Variants in CCDC171 observed in about 807,000 individuals in gnomAD.
CCDC171 encodes the protein coiled-coil domain containing 171.
Under a neutral mutation model 168.2 loss-of-function variants are expected in CCDC171, and 177 were observed. The ratio of observed to expected loss-of-function variants is 1.05; its 90% CI spans 0.93 to 1.19. The LOEUF is 1.19. Ranked by LOEUF, CCDC171 falls within the 50% of genes most tolerant of loss-of-function variation. The probability of loss-of-function intolerance (pLI) is 0.00; values close to 1 mark genes in which losing one functional copy is unlikely to be tolerated. For missense variants in CCDC171, 1,991 were observed against 1,539.0 expected (o/e 1.29, Z -4.91); for synonymous variants, 687 against 540.8 (o/e 1.27, Z -3.75).
chr9:15,645,203 A>G (rs1035886338), intron 7 of CCDC171, among the ~76,000 whole-genome samples: 3 of 152,242 alleles, frequency 2.0e-5, no homozygotes, highest in African/African-American at 7.2e-5. Context: ...AGAACTAACA[A>G]ACAGAAAGGA....
At chr9:15,965,700 T>C (rs1434895713) in intron 25 of CCDC171, among the ~76,000 whole-genome samples, 3 of 31,948 alleles carry the variant, frequency 9.4e-5, no homozygotes, top group East Asian at 1.7e-3. Flanking sequence ...AGGGAAGATA[T>C]GCTACACATT....
At chr9:15,636,633 C>T (rs1015158166) in intron 7 of CCDC171, among the ~76,000 whole-genome samples, 1 of 151,432 alleles carries the variant, frequency 6.6e-6, no homozygotes, top group Non-Finnish European at 1.5e-5. Context: ...CCTGTAGTCC[C>T]AGCTGCTTGG....
chr9:15,762,241 A>G (rs1311475838), intron 18 of CCDC171, among the ~76,000 whole-genome samples: 1 of 151,424 alleles, frequency 6.6e-6, no homozygotes, highest in Admixed American at 6.6e-5. Context: ...AGGTTTTTGT[A>G]AAAGAACAAA....
chr9:15,855,276 T>C (rs2061306661), intron 23 of CCDC171, among the ~76,000 whole-genome samples: 1 of 151,844 alleles, frequency 6.6e-6, no homozygotes, highest in African/African-American at 2.4e-5. Flanking sequence ...ATCTTCTTGA[T>C]GGATTGACTC....
At chr9:15,783,363 C>G (rs1004916078) in intron 20 of CCDC171, among the ~76,000 whole-genome samples, 68 of 152,248 alleles carry the variant, frequency 4.5e-4, no homozygotes, top group Non-Finnish European at 2.9e-4. Context: ...TTACTAGATG[C>G]TTAGAATCAA....
At chr9:15,563,915 C>G in intron 1 of CCDC171, 63 bp from the exon 2 acceptor site, 1 of 566,768 alleles carries the variant, frequency 1.8e-6, no homozygotes. Context: ...AACCAAAAAA[C>G]AAGAAAAATC....
At chr9:15,766,098 C>G (rs1364780668) in intron 18 of CCDC171, among the ~76,000 whole-genome samples, 1 of 152,046 alleles carries the variant, frequency 6.6e-6, no homozygotes, top group East Asian at 1.9e-4. Flanking sequence ...TTTGGGCTTC[C>G]TAAGTTCTGG....
At chr9:15,589,016 T>C (rs961498321) in intron 4 of CCDC171, among the ~76,000 whole-genome samples, 1 of 152,256 alleles carries the variant, frequency 6.6e-6, no homozygotes, top group African/African-American at 2.4e-5. Flanking sequence ...AGCCGTGTTT[T>C]TTTTTTAGAG....
At chr9:15,742,172 A>G (rs946265540) in intron 16 of CCDC171, among the ~76,000 whole-genome samples, 2 of 151,914 alleles carry the variant, frequency 1.3e-5, no homozygotes, top group African/African-American at 2.4e-5. Flanking sequence ...CCTACTCCCA[A>G]CTGCTGCAAC....
At chr9:16,046,482 G>T (rs1010075981) in intron 1 of CCDC171, among the ~76,000 whole-genome samples, 37 of 152,286 alleles carry the variant, frequency 2.4e-4, no homozygotes, top group African/African-American at 8.9e-4. Context: ...AAATTCAGTG[G>T]ACATATTTTT....
chr9:15,612,931 GT>G (rs2043809088), intron 6 of CCDC171, among the ~76,000 whole-genome samples: 1 of 152,150 alleles, frequency 6.6e-6, no homozygotes, highest in Admixed American at 6.6e-5. Flanking sequence ...TGACAGGATG[GT>G]AGATACTCAA....
intron 22 of CCDC171, 23 bp from the exon 23 acceptor site, chr9:15,848,870 A>G (rs1301160404): frequency 6.9e-7 from 1 of 1,443,832 alleles, no homozygotes; most frequent in Non-Finnish European, 9.6e-7. Context: ...TTTTACTAAC[A>G]CTTAATCTTT....
intron 23 of CCDC171, among the ~76,000 whole-genome samples, chr9:15,860,311 G>A (rs1459071478): frequency 6.7e-6 from 1 of 150,338 alleles, no homozygotes; most frequent in African/African-American, 2.4e-5. Flanking sequence ...CTAATTTTGG[G>A]TTTAGTTTGT....
chr9:15,748,282 T>TA (rs997837324), intron 18 of CCDC171, among the ~76,000 whole-genome samples: 51 of 150,474 alleles, frequency 3.4e-4, no homozygotes, highest in East Asian at 2.2e-3. Context: ...GAAAAAGGAG[T>TA]AAAAAAAATG....
At chr9:15,723,433 A>G (rs373612950) in intron 12 of CCDC171, among the ~76,000 whole-genome samples, 1 of 152,234 alleles carries the variant, frequency 6.6e-6, no homozygotes, top group African/African-American at 2.4e-5. Context: ...ATATAGTAAC[A>G]TAAGTGATAT....
chr9:15,831,619 T>C (rs2060237243), intron 21 of CCDC171, among the ~76,000 whole-genome samples: 1 of 152,238 alleles, frequency 6.6e-6, no homozygotes, highest in Non-Finnish European at 1.5e-5. Context: ...GTGGATTGCA[T>C]GTTAAGCACA....
At chr9:16,039,314 G>T (rs545046290), upstream of CCDC171, among the ~76,000 whole-genome samples, 160 of 152,280 alleles carry the variant, frequency 1.1e-3, no homozygotes, top group South Asian at 1.9e-3. Context: ...CAGGGAGGGG[G>T]TGATTTTGGC....
intron 18 of CCDC171, among the ~76,000 whole-genome samples, chr9:15,747,802 A>G (rs1405102300): frequency 1.3e-5 from 2 of 152,234 alleles, no homozygotes; most frequent in Non-Finnish European, 2.9e-5. Flanking sequence ...AAACCAGAGC[A>G]GAAAGGCTGC....
the CCDC171 span, among the ~76,000 whole-genome samples, chr9:16,099,377 G>A: frequency 9.9e-5 from 15 of 152,202 alleles, no homozygotes; most frequent in Non-Finnish European, 4.4e-5. Context: ...AAACGCCATC[G>A]CAGTGGCTCT....
Sources: gnomAD v4.1 joint callset for allele counts (sites outside exome capture counted in the v4.1 genomes callset) on GRCh38, gnomAD v4.1.1 for gene constraint, MANE v1.5 for transcripts, NCBI Gene and HGNC (gene_info 2026-07-23, HGNC 2026-07-21) for gene names.